Variants in AGBL4 observed in about 807,000 individuals in gnomAD.
The protein encoded by AGBL4 is cytosolic carboxypeptidase 6.
A neutral mutation model predicts 66.4 loss-of-function variants in AGBL4; 58 were observed. The observed-to-expected ratio is 0.87, with a 90% confidence interval of 0.71 to 1.09. The LOEUF is 1.09. Ranked by LOEUF, AGBL4 falls within the 50% of genes least tolerant of loss-of-function variation. The pLI is 0.00. For synonymous variants in AGBL4, 234 were observed against 222.9 expected (o/e 1.05, Z -0.44); for missense variants, 579 against 631.0 (o/e 0.92, Z 0.88).
chr1:48,664,672 A>C lies in AGBL4; in HGVS notation c.635-1431T>G, dbSNP rs550920989. On this transcript the variant is annotated intron_variant, in intron 6 of 13. Transcript: ENST00000371839. Reference sequence around the variant, plus strand: ...CAGAAAAGTAGGAAAATGTGGCTCCAAATCAGAACTCAAGCTCTTTTTGTC... The same window carrying C: ...CAGAAAAGTAGGAAAATGTGGCTCCCAATCAGAACTCAAGCTCTTTTTGTC... 2.6e-5 allele frequency among the ~76,000 whole-genome samples: 4 copies of C among 152,370 alleles called. No homozygotes were observed. In the East Asian group the frequency reaches 7.7e-4, roughly 29 times the overall value.
chr1:49,718,302 C>T (rs1472761639), intron 2 of AGBL4, among the ~76,000 whole-genome samples: 1 of 152,044 alleles, frequency 6.6e-6, no homozygotes, highest in East Asian at 1.9e-4. Flanking sequence ...TTGGCTCCTA[C>T]TCTCACCATA....
At position 48,742,651 on chromosome 1, in the gene AGBL4, A is replaced by G. The variant is rs1489554614; in HGVS notation, c.635-79410T>C. The G allele has an allele frequency of 2.5e-6, 4 of 1,605,286 alleles. No homozygotes were observed. In the South Asian group the frequency reaches 4.5e-5, roughly 18 times the overall value. On this transcript the variant is annotated intron_variant, in intron 6 of 13. Transcript: ENST00000371839. ...GCCATTGTCTAGGATATACTTGTCC[A>G]TGACAGGCGCAGGAGCGGGGTAATA...
chr1:49,905,010 A>T (rs765028920), intron 1 of AGBL4, among the ~76,000 whole-genome samples: 2 of 152,210 alleles, frequency 1.3e-5, no homozygotes, highest in African/African-American at 4.8e-5. Flanking sequence ...AGTATTATTC[A>T]ATTTTGACAA....
intron 5 of AGBL4, among the ~76,000 whole-genome samples, chr1:48,895,247 G>T (rs1404154655): frequency 6.6e-6 from 1 of 152,192 alleles, no homozygotes; most frequent in Admixed American, 6.5e-5. Flanking sequence ...GAGAGAAAGA[G>T]CCCCCTTCTA....
In AGBL4 at chr1:49,325,305, T is replaced by C. The variant is rs116367713; in HGVS notation, c.283-79441A>G. Reference sequence around the variant, plus strand: ...CTATGTTTTTCTTTTTTAATGAAGATAACTTACAAACAGGAAAGTACAAAA... The same window carrying C: ...CTATGTTTTTCTTTTTTAATGAAGACAACTTACAAACAGGAAAGTACAAAA... On this transcript the variant is annotated intron_variant, in intron 3 of 13. Transcript: ENST00000371839. Among the ~76,000 whole-genome samples the C allele has an allele frequency of 4.3e-3, 656 of 152,322 alleles. 1 individual carries two copies. The highest frequency in any genetic ancestry group is 0.015 in the African/African-American group (627 of 41,582).
chr1:49,067,089 A>G (rs1240307428), intron 4 of AGBL4, among the ~76,000 whole-genome samples: 1 of 152,164 alleles, frequency 6.6e-6, no homozygotes, highest in Non-Finnish European at 1.5e-5. Context: ...GGTAAGAAGT[A>G]TTCTAAGTGC....
intron 8 of AGBL4, among the ~76,000 whole-genome samples, chr1:48,650,106 G>A (rs781454420): frequency 6.6e-6 from 1 of 152,204 alleles, no homozygotes. Flanking sequence ...GCAGAGTGAG[G>A]TGCCTCAGGG....
chr1:49,665,368 A>C (rs2124505565), intron 3 of AGBL4, among the ~76,000 whole-genome samples: 1 of 152,268 alleles, frequency 6.6e-6, no homozygotes, highest in South Asian at 2.1e-4. Context: ...CTGGGCTTGA[A>C]GCCCAGTTCT....
chr1:48,551,948 C>CTCATTT lies in AGBL4; in HGVS notation c.1268-12216_1268-12211dup, dbSNP rs1644254820. Among the ~76,000 whole-genome samples the CTCATTT allele has an allele frequency of 2.0e-5, 3 of 152,162 alleles. No individual in the cohort carries two copies. The South Asian group carries it at 6.2e-4, about 32-fold the overall frequency. ...GGGCTAGATCAGATGGAGATCTGAC[C>CTCATTT]TCATTTTTAATGTGCCTGATTCTGG... is the stretch of plus-strand genomic sequence containing the variant. On this transcript the variant is annotated intron_variant, in intron 11 of 13. Transcript: ENST00000371839.
intron 1 of AGBL4, among the ~76,000 whole-genome samples, chr1:49,860,768 CA>C (rs113628251): frequency 5.2e-4 from 70 of 133,506 alleles, no homozygotes; most frequent in Non-Finnish European, 4.2e-4. Context: ...CCTTCCCCAG[CA>C]AAAAAAAAAA....
chr1:48,721,856 A>G (rs1647156067), intron 6 of AGBL4, among the ~76,000 whole-genome samples: 1 of 152,150 alleles, frequency 6.6e-6, no homozygotes, highest in Admixed American at 6.5e-5. Flanking sequence ...CAGTCTCCTA[A>G]TAGGTCTCTG....
At chr1:49,452,594 C>T (rs543788625) in intron 3 of AGBL4, among the ~76,000 whole-genome samples, 3 of 151,898 alleles carry the variant, frequency 2.0e-5, no homozygotes, top group East Asian at 1.9e-4. Flanking sequence ...TTTTATATTA[C>T]CATCTTCTAT....
intron 3 of AGBL4, among the ~76,000 whole-genome samples, chr1:49,652,915 T>C (rs1558134321): frequency 6.6e-6 from 1 of 152,016 alleles, no homozygotes; most frequent in Non-Finnish European, 1.5e-5. Flanking sequence ...GGAGTCAGGG[T>C]AGCCCGAGGA....
intron 2 of AGBL4, among the ~76,000 whole-genome samples, chr1:49,843,525 G>C (rs1646055294): frequency 6.6e-6 from 1 of 152,114 alleles, no homozygotes; most frequent in African/African-American, 2.4e-5. Flanking sequence ...GTCAGTAAGG[G>C]GTGGTCAAGT....
rs1647180555 is a variant in AGBL4 at position 49,880,268 on chromosome 1, TG to T, written c.35-28751del. On this transcript the variant is annotated intron_variant, in intron 1 of 13. Coordinates refer to ENST00000371839, the MANE Select transcript of AGBL4 (RefSeq NM_032785.4). ...TTTAGAGTTTCCAGATTTTCTGTTC[TG>T]TTTTTTCCCCATCTTTGTGGTTTTA... Among the ~76,000 whole-genome samples, 5 of 152,094 alleles carry T rather than the reference TG, an allele frequency of 3.3e-5. No homozygotes were observed. The South Asian group carries it at 1.0e-3, about 32-fold the overall frequency.
chr1:48,583,887 C>T (rs1032226747), intron 11 of AGBL4: 1 of 147,022 alleles, frequency 6.8e-6, no homozygotes, highest in East Asian at 2.0e-4. Flanking sequence ...TCAAACAGAA[C>T]CCAGGTTAAA....
At chr1:49,388,318 C>T (rs547382035) in intron 3 of AGBL4, among the ~76,000 whole-genome samples, 1 of 151,868 alleles carries the variant, frequency 6.6e-6, no homozygotes, top group South Asian at 2.1e-4. Flanking sequence ...TGAAAGCAGC[C>T]AAATACACAT....
chr1:49,247,578 GC>G (rs1480104756), intron 3 of AGBL4, among the ~76,000 whole-genome samples: 1 of 151,988 alleles, frequency 6.6e-6, no homozygotes, highest in Non-Finnish European at 1.5e-5. Flanking sequence ...GAGGGCATAA[GC>G]CCCCCCTTTT....
rs1644840881 is a variant in AGBL4, at chr1:49,083,343, T to A, written c.378-37543A>T. Among the ~76,000 whole-genome samples, 3 of 152,218 alleles carry A rather than the reference T, an allele frequency of 2.0e-5. 1 individual carries two copies. Among genetic ancestry groups the A allele is most frequent in the Admixed American group, 1.3e-4 (2 of 15,288 alleles). On this transcript the variant is annotated intron_variant, in intron 4 of 13. Transcript: ENST00000371839. ...AGGGTCCTGCCCCTGCAGAAAACTTTTGCCTGGACATCCAGGCATTTCCAT... is the reference window on the plus strand; with the variant it reads ...AGGGTCCTGCCCCTGCAGAAAACTTATGCCTGGACATCCAGGCATTTCCAT...
Sources: allele counts gnomAD v4.1 joint callset (sites outside exome capture counted in the v4.1 genomes callset), GRCh38; gene constraint gnomAD v4.1.1; transcripts MANE v1.5; gene names NCBI Gene and HGNC (gene_info 2026-07-23, HGNC 2026-07-21).